SHC2: variants seen among roughly 807,000 people sequenced by gnomAD.
The protein encoded by SHC2 is SHC adaptor protein 2.
SHC2 carries 62 observed loss-of-function variants against 60.6 expected under a neutral mutation model. The ratio of observed to expected loss-of-function variants is 1.02; its 90% CI spans 0.83 to 1.26. The LOEUF (loss-of-function observed/expected upper bound fraction) is 1.26. Ranked by LOEUF, SHC2 falls within the 50% of genes most tolerant of loss-of-function variation. The pLI is 0.00. For missense variants in SHC2, 873 were observed against 822.2 expected (o/e 1.06, Z -0.76); for synonymous variants, 375 against 372.4 (o/e 1.01, Z -0.08).
chr19:436,224 G>T lies in SHC2; in HGVS notation c.894C>A (p.Phe298Leu). Residue 298 changes from phenylalanine to leucine, a missense_variant, in exon 7 of 13, where the codon TTC becomes TTA. Transcript: ENST00000264554. Reference sequence around the variant, plus strand: ...GCAGGTACTGCTTGAAGCGCAGCTCGAAAGCTTGGCCCACGGTGCTGATGA... The same window carrying T: ...GCAGGTACTGCTTGAAGCGCAGCTCTAAAGCTTGGCCCACGGTGCTGATGA... Reference protein sequence around the residue: ...QSIISTVGQAFELRFKQYLHS... With the variant: ...QSIISTVGQALELRFKQYLHS... 1 of 1,603,450 alleles carries T rather than the reference G, an allele frequency of 6.2e-7. No homozygotes were observed. Among genetic ancestry groups the T allele is most frequent in the Non-Finnish European group, 8.5e-7 (1 of 1,175,658 alleles).
Position 445,195 on chromosome 19 carries a change from C to CTCAAAATA in SHC2, c.469-4264_469-4263insTATTTTGA, listed in dbSNP as rs907447831. ...AATATCTGTGCCCCCCTCAAAATCC[C>CTCAAAATA]TCTGTGGAAACCTATGCCCCACTGT... is the stretch of plus-strand genomic sequence containing the variant. On this transcript the variant is annotated intron_variant, in intron 1 of 12. Coordinates refer to ENST00000264554, the MANE Select transcript of SHC2 (RefSeq NM_012435.3). The surrounding 1 kb of genome is among the most constrained non-coding windows in gnomAD (Gnocchi z 4.4). Among the ~76,000 whole-genome samples, 12 of 152,340 alleles carry CTCAAAATA rather than the reference C, an allele frequency of 7.9e-5. No individual in the cohort carries two copies. Among genetic ancestry groups the CTCAAAATA allele is most frequent in the African/African-American group, 2.9e-4 (12 of 41,576 alleles).
rs550172574 is a variant in SHC2 at position 430,323 on chromosome 19, G to A, written c.1174+361C>T. ...AAACCTAATACCGTGTGGATGACGC[G>A]GCACCTATATCTCAACATGCACAGA... On this transcript the variant is annotated intron_variant, in intron 9 of 12. Coordinates refer to ENST00000264554, the MANE Select transcript of SHC2 (RefSeq NM_012435.3). Among the ~76,000 whole-genome samples the A allele has an allele frequency of 3.8e-3, 552 of 146,212 alleles. 11 individuals carry two copies. Among genetic ancestry groups the A allele is most frequent in the African/African-American group, 0.013 (507 of 38,988 alleles).
At chr19:427,307 G>A (rs910005390) in intron 9 of SHC2, among the ~76,000 whole-genome samples, 4 of 152,246 alleles carry the variant, frequency 2.6e-5, no homozygotes, top group Admixed American at 2.6e-4. Flanking sequence ...CGCCGGTAAC[G>A]TGATTAAGGC....
chr19:430,461 T>G (rs1974553034), intron 9 of SHC2, among the ~76,000 whole-genome samples: 1 of 152,170 alleles, frequency 6.6e-6, no homozygotes, highest in African/African-American at 2.4e-5. Context: ...TAATACCGTG[T>G]GGATAATGTA....
chr19:422,025 G>A lies in SHC2; in HGVS notation c.1620+121C>T, dbSNP rs1456220764. 5 of 978,660 alleles carry A rather than the reference G, an allele frequency of 5.1e-6. No individual in the cohort carries two copies. The highest frequency in any genetic ancestry group is 4.5e-5 in the East Asian group (1 of 22,174). The allele number at this position is 978,660 out of a possible 1,614,324, so 60.6% of individuals were successfully genotyped here. A position where few individuals can be genotyped will look rare whatever the true frequency, so the allele number is the denominator to read the frequency against. ...AGCTCCTGCATGCCCCGAGACCCTCGAGACCCTTGAGACCCTCCCACCTGT... is the reference window on the plus strand; with the variant it reads ...AGCTCCTGCATGCCCCGAGACCCTCAAGACCCTTGAGACCCTCCCACCTGT... On this transcript the variant is annotated intron_variant, in intron 11 of 12. Coordinates refer to ENST00000264554, the MANE Select transcript of SHC2 (RefSeq NM_012435.3). The surrounding 1 kb of genome is among the most constrained non-coding windows in gnomAD (Gnocchi z 5.0).
At chr19:421,648 G>C in intron 11 of SHC2, among the ~76,000 whole-genome samples, 1 of 152,240 alleles carries the variant, frequency 6.6e-6, no homozygotes, top group South Asian at 2.1e-4. Context: ...TCTTATGATG[G>C]ATGAAATCAT....
At chr19:451,379 G>GCTGT (rs1423493350) in intron 1 of SHC2, among the ~76,000 whole-genome samples, 2 of 31,162 alleles carry the variant, frequency 6.4e-5, no homozygotes, top group African/African-American at 1.5e-3. Flanking sequence ...CCACGCCGTG[G>GCTGT]GCCACGTCGT....
At chr19:456,463 C>T (rs142170183) in intron 1 of SHC2, among the ~76,000 whole-genome samples, 2 of 152,262 alleles carry the variant, frequency 1.3e-5, no homozygotes, top group Admixed American at 6.5e-5. Flanking sequence ...AGCCTCCTCC[C>T]GGGTCTCTGC....
chr19:417,499 C>T (rs1196413123), intron 12 of SHC2, among the ~76,000 whole-genome samples, 177 bp from the exon 13 acceptor site: 2 of 152,216 alleles, frequency 1.3e-5, no homozygotes, highest in East Asian at 3.9e-4. Flanking sequence ...GTCCTGAGTC[C>T]TTGCTGTGGA....
intron 1 of SHC2, among the ~76,000 whole-genome samples, chr19:444,229 G>A (rs564171888): frequency 1.3e-5 from 2 of 152,076 alleles, no homozygotes; most frequent in Admixed American, 6.6e-5. Flanking sequence ...GCATGTAGTA[G>A]ACAGGTCATA....
chr19:422,218 G>A lies in SHC2; in HGVS notation c.1548C>T (p.Pro516=), dbSNP rs372713828. 5.0e-5 allele frequency: 80 copies of A among 1,612,552 alleles called. No homozygotes were observed. Among genetic ancestry groups the A allele is most frequent in the South Asian group, 3.0e-4 (27 of 90,962 alleles). The change falls in exon 11 of 13, where the codon CCC becomes CCT. Residue 516 remains proline, a synonymous_variant. Coordinates refer to ENST00000264554, the MANE Select transcript of SHC2 (RefSeq NM_012435.3). This position sits in a 1 kb window ranked among gnomAD's most constrained non-coding sequence, Gnocchi z 5.0. ...GCATGCCGGTGAGGACATACTGCCC[G>A]GGGTTGGTGACGCTGTCTCGCACAA... ...DFLVRDSVTN[P]GQYVLTGMHA...
chr19:452,400 G>T (rs113153628), intron 1 of SHC2, among the ~76,000 whole-genome samples: 3 of 97,166 alleles, frequency 3.1e-5, no homozygotes, highest in Non-Finnish European at 6.1e-5. Flanking sequence ...GCGTTTCTCC[G>T]TTTCATTGAG....
intron 10 of SHC2, among the ~76,000 whole-genome samples, chr19:423,115 C>T (rs1490503586): frequency 6.6e-6 from 1 of 151,654 alleles, no homozygotes; most frequent in African/African-American, 2.4e-5. Context: ...AGCTCCTGGT[C>T]CTGGGGGGTC....
At chr19:430,776 G>C (rs117274076) in intron 8 of SHC2, 29 bp from the exon 9 acceptor site, 1 of 1,606,734 alleles carries the variant, frequency 6.2e-7, no homozygotes, top group African/African-American at 1.3e-5. Flanking sequence ...GAGGTTCCCC[G>C]GTGTGTGCAA....
rs149174913 is a variant in SHC2, at chr19:437,296, G to A, written c.721-613C>T. On this transcript the variant is annotated intron_variant, in intron 4 of 12. Coordinates refer to ENST00000264554, the MANE Select transcript of SHC2 (RefSeq NM_012435.3). ...CGTGCTCGTCTGTGTGCTCATCTGC[G>A]TGCTCGTCTGTGTGCTCATCTGCAT... 7.9e-3 allele frequency among the ~76,000 whole-genome samples: 1,166 copies of A among 148,502 alleles called. 8 individuals carry two copies. The highest frequency in any genetic ancestry group is 0.017 in the African/African-American group (647 of 38,382).
chr19:457,579 C>T (rs1251634663), intron 1 of SHC2, among the ~76,000 whole-genome samples: 1 of 152,148 alleles, frequency 6.6e-6, no homozygotes, highest in Non-Finnish European at 1.5e-5. Context: ...GGAATCCAAG[C>T]TCCTTGAGAG....
chr19:450,618 G>A (rs565254895), intron 1 of SHC2, among the ~76,000 whole-genome samples: 110 of 152,332 alleles, frequency 7.2e-4, no homozygotes, highest in Non-Finnish European at 1.3e-3. Flanking sequence ...GTCTCTCACC[G>A]AGTGAGACAT....
Position 425,123 on chromosome 19 carries a change from C to T in SHC2, c.1283G>A (p.Ser428Asn), listed in dbSNP as rs1351347556. Residue 428 changes from serine to asparagine, a missense_variant, in exon 10 of 13, where the codon AGC (serine) becomes AAC (asparagine). Transcript: ENST00000264554. The surrounding 1 kb of genome is among the most constrained non-coding windows in gnomAD (Gnocchi z 4.1). ...CATGTCAAACAGATCCTTTTTGGGG[C>T]TGTCCTCCGGCTCGGGGGCGTCCAG... Reference protein sequence around the residue: ...QGLDAPEPEDSPKKDLFDMRP... With the variant: ...QGLDAPEPEDNPKKDLFDMRP... The T allele has an allele frequency of 7.1e-7, 1 of 1,406,284 alleles. No individual in the cohort carries two copies. The highest frequency in any genetic ancestry group is 9.3e-7 in the Non-Finnish European group (1 of 1,072,356). The allele number at this position is 1,406,284 out of a possible 1,614,324, so 87.1% of individuals were successfully genotyped here.
chr19:444,504 G>A (rs570434509), intron 1 of SHC2, among the ~76,000 whole-genome samples: 23 of 152,276 alleles, frequency 1.5e-4, no homozygotes, highest in Admixed American at 8.5e-4. Context: ...TCCCGTTGTG[G>A]GGACACCAGC....
Sources: allele counts gnomAD v4.1 joint callset (sites outside exome capture counted in the v4.1 genomes callset), GRCh38; gene constraint gnomAD v4.1.1; non-coding constraint Gnocchi (gnomAD v3.1); transcripts MANE v1.5; gene names NCBI Gene and HGNC (gene_info 2026-07-23, HGNC 2026-07-21).